DNAH17: variants seen among roughly 807,000 people sequenced by gnomAD.
DNAH17 encodes dynein axonemal heavy chain 17.
A neutral mutation model predicts 485.6 loss-of-function variants in DNAH17; 376 were observed. The observed-to-expected ratio is 0.77, with a 90% CI of 0.71 to 0.84. The LOEUF (loss-of-function observed/expected upper bound fraction) is 0.84, where lower values mean the gene tolerates loss of function less well. Among genes scored for constraint, DNAH17 ranks in the 40% least tolerant of loss-of-function variants. The pLI is 0.00. For missense variants in DNAH17, 6,370 were observed against 5,839.3 expected (o/e 1.09, Z -2.96); for synonymous variants, 3,031 against 2,405.9 (o/e 1.26, Z -7.60).
rs753473680 is a variant in DNAH17, at chr17:78,558,146, C to T, written c.2140G>A (p.Val714Met). 33 of 1,613,704 alleles carry T rather than the reference C, an allele frequency of 2.0e-5. No individual in the cohort carries two copies. The South Asian group carries it at 2.7e-4, about 13-fold the overall frequency. Residue 714 changes from valine to methionine, a missense_variant, in exon 14 of 81, where the codon GTG becomes ATG. Physicochemically the swap from Val to Met is conservative, Grantham distance 21 (BLOSUM62 1). Transcript: ENST00000389840. ...CCAACGATGAGCTCCAGGTTGCCCA[C>T]AAACTTCCGGAAAGTTTCGTTCTCT... ...FSENETFRKF[V>M]GNLELIVGWY...
chr17:78,457,624 G>A (rs1020586910), intron 62 of DNAH17, among the ~76,000 whole-genome samples: 3 of 148,778 alleles, frequency 2.0e-5, no homozygotes, highest in Non-Finnish European at 3.0e-5. Flanking sequence ...CCCTCCAAGT[G>A]CTGGGACTAC....
intron 40 of DNAH17, 36 bp from the exon 41 acceptor site, chr17:78,494,209 A>T (rs758584906): frequency 6.3e-7 from 1 of 1,587,078 alleles, no homozygotes; most frequent in Non-Finnish European, 8.6e-7. Flanking sequence ...TGAGGAACTG[A>T]AGCAGCTTTT....
chr17:78,485,118 G>C, intron 47 of DNAH17, 85 bp from the exon 48 acceptor site: 1 of 1,462,372 alleles, frequency 6.8e-7, no homozygotes, highest in Non-Finnish European at 9.1e-7. Context: ...CTGCTTCCCC[G>C]GAGGACAGAA....
At chr17:78,556,102 T>A (rs2092015974) in intron 14 of DNAH17, among the ~76,000 whole-genome samples, 1 of 152,192 alleles carries the variant, frequency 6.6e-6, no homozygotes, top group Non-Finnish European at 1.5e-5. Context: ...TGTCCATCCA[T>A]CTCCATCCAT....
chr17:78,518,428 G>C (rs914496278), intron 25 of DNAH17, among the ~76,000 whole-genome samples: 1 of 152,074 alleles, frequency 6.6e-6, no homozygotes, highest in Non-Finnish European at 1.5e-5. Context: ...TGGGAAAAAG[G>C]GTCAACCTAT....
chr17:78,526,589 G>A (rs1371116992), intron 24 of DNAH17, 62 bp downstream of exon 24: 34 of 1,398,012 alleles, frequency 2.4e-5, no homozygotes, highest in Non-Finnish European at 3.2e-5. Context: ...ATAACTACTT[G>A]AGAAAAGAAA....
At chr17:78,576,595 G>A (rs1209509339) in intron 1 of DNAH17, among the ~76,000 whole-genome samples, 3 of 152,114 alleles carry the variant, frequency 2.0e-5, no homozygotes, top group African/African-American at 4.8e-5. Context: ...ACCCGGGGAC[G>A]CGTCACGTCG....
At chr17:78,474,418 C>T (rs1473339412) in intron 54 of DNAH17, among the ~76,000 whole-genome samples, 2 of 152,370 alleles carry the variant, frequency 1.3e-5, no homozygotes, top group East Asian at 1.9e-4. Flanking sequence ...AATAAAAACC[C>T]TCAGCAGTGT....
chr17:78,540,410 G>A (rs562468442), intron 17 of DNAH17, among the ~76,000 whole-genome samples: 63 of 122,466 alleles, frequency 5.1e-4, no homozygotes, highest in Non-Finnish European at 8.8e-4. Context: ...GGGGTTGGTA[G>A]ATGGGTGAGT....
intron 61 of DNAH17, 73 bp from the exon 62 acceptor site, chr17:78,458,753 C>T (rs902216787): frequency 8.0e-6 from 11 of 1,377,510 alleles, no homozygotes; most frequent in Non-Finnish European, 1.1e-5. Context: ...GGCAGCAGGG[C>T]TGGGCCCTGT....
chr17:78,536,106 T>C (rs1020164561), intron 19 of DNAH17, among the ~76,000 whole-genome samples: 1 of 151,994 alleles, frequency 6.6e-6, no homozygotes, highest in Admixed American at 6.6e-5. Flanking sequence ...GGAGGCACAT[T>C]TGTCAAATTG....
chr17:78,470,969 G>T (rs145225770), intron 54 of DNAH17, among the ~76,000 whole-genome samples: 20 of 152,262 alleles, frequency 1.3e-4, no homozygotes, highest in Admixed American at 9.2e-4. Context: ...GGAATAGCTC[G>T]TTATTTTTGA....
At chr17:78,494,279 C>A in intron 40 of DNAH17, 106 bp from the exon 41 acceptor site, 1 of 1,468,414 alleles carries the variant, frequency 6.8e-7, no homozygotes, top group Non-Finnish European at 9.1e-7. Context: ...GATAAAGGCG[C>A]CCTTGCCCTC....
At chr17:78,540,207 TTTTA>T (rs138929759) in intron 17 of DNAH17, among the ~76,000 whole-genome samples, 1,080 of 66,992 alleles carry the variant, frequency 0.016, 35 homozygotes, top group East Asian at 0.14. Context: ...CTCAGAATTA[TTTTA>T]TTTGTCTTTG....
At chr17:78,552,648 G>A in intron 15 of DNAH17, 49 bp downstream of exon 15, 1 of 1,374,842 alleles carries the variant, frequency 7.3e-7, no homozygotes, top group Non-Finnish European at 1.0e-6. Context: ...TGCTGGGCAG[G>A]TTGGACTCCC....
At chr17:78,504,894 C>CTT (rs66596656) in intron 31 of DNAH17, among the ~76,000 whole-genome samples, 25 of 58,968 alleles carry the variant, frequency 4.2e-4, no homozygotes, top group Admixed American at 8.1e-4. Context: ...ATTAACAGGG[C>CTT]TTTTTTTTTT....
At chr17:78,513,573 C>T (rs1204483787) in intron 26 of DNAH17, among the ~76,000 whole-genome samples, 2 of 152,148 alleles carry the variant, frequency 1.3e-5, no homozygotes, top group East Asian at 1.9e-4. Flanking sequence ...GTAGCTGGGA[C>T]TACAGGTGTG....
At chr17:78,441,323 G>A (rs2087067893) in intron 71 of DNAH17, 124 bp from the exon 72 acceptor site, 1 of 1,070,296 alleles carries the variant, frequency 9.3e-7, no homozygotes, top group East Asian at 2.6e-5. Context: ...GCGGGACAAG[G>A]CCTGTGGCAG....
chr17:78,465,788 G>A (rs530271133), intron 56 of DNAH17, among the ~76,000 whole-genome samples: 15 of 141,854 alleles, frequency 1.1e-4, no homozygotes, highest in East Asian at 5.9e-4. Context: ...CAGGCCAGCC[G>A]CCCCGTCCAG....
Sources: allele counts gnomAD v4.1 joint callset (sites outside exome capture counted in the v4.1 genomes callset), GRCh38; gene constraint gnomAD v4.1.1; transcripts MANE v1.5; gene names NCBI Gene and HGNC (gene_info 2026-07-23, HGNC 2026-07-21).